The following TTLL9 variants were observed in gnomAD, a reference collection of about 807,000 sequenced individuals.
TTLL9 encodes the protein tubulin tyrosine ligase like 9.
A neutral mutation model predicts 65.6 loss-of-function variants in TTLL9; 47 were observed. That is an observed-to-expected ratio of 0.72 (90% CI 0.57 to 0.91). The LOEUF (loss-of-function observed/expected upper bound fraction) is 0.91, where lower values mean the gene tolerates loss of function less well. TTLL9 is among the 40% of genes least tolerant of loss of function. The probability of loss-of-function intolerance (pLI) is 0.00; values close to 1 mark genes in which losing one functional copy is unlikely to be tolerated. For missense variants in TTLL9, 537 were observed against 568.8 expected (o/e 0.94, Z 0.57); for synonymous variants, 179 against 204.8 (o/e 0.87, Z 1.07).
intron 3 of TTLL9, among the ~76,000 whole-genome samples, chr20:31,891,144 C>G (rs1366433301): frequency 6.6e-6 from 1 of 152,146 alleles, no homozygotes; most frequent in Non-Finnish European, 1.5e-5. Flanking sequence ...GCCCGGTGAC[C>G]CTGCAAAGTG....
chr20:31,887,906 T>TCTTCTCTTC (rs1555807954), intron 3 of TTLL9, among the ~76,000 whole-genome samples: 2 of 9,564 alleles, frequency 2.1e-4, no homozygotes, highest in Admixed American at 1.1e-3. Context: ...CTCTTCTCTT[T>TCTTCTCTTC]TGAGTTTCAC....
rs1278947782 is a variant in TTLL9, at chr20:31,909,765, A to C, written c.347A>C (p.Asn116Thr). The C allele has an allele frequency of 3.1e-6, 5 of 1,613,970 alleles. No individual in the cohort carries two copies. The African/African-American group carries it at 5.3e-5, about 17-fold the overall frequency. The change falls in exon 6 of 15, where the codon AAC (asparagine) becomes ACC (threonine). Residue 116 changes from asparagine to threonine, a missense_variant. Transcript: ENST00000535842. The part of the protein sequence containing the change: ...ELTRKNYMVK[N>T]LKRFRKQLER... The stretch of plus-strand genomic sequence containing the variant: ...ACCCGGAAGAACTACATGGTGAAGA[A>C]CCTGAAGCGGTTCCGGAAGCAGCTG...
intron 10 of TTLL9, among the ~76,000 whole-genome samples, chr20:31,932,973 G>T (rs1048331778): frequency 2.0e-5 from 3 of 152,158 alleles, no homozygotes; most frequent in Non-Finnish European, 2.9e-5. Flanking sequence ...TCCAGTCTGG[G>T]CAAAAGACTA....
In TTLL9 at chr20:31,934,896, G is replaced by A; in HGVS notation, c.1004+8G>A. 6.2e-7 allele frequency: 1 copy of A among 1,605,630 alleles called. No individual in the cohort carries two copies. Among genetic ancestry groups the A allele is most frequent in the Non-Finnish European group, 8.5e-7 (1 of 1,174,346 alleles). On this transcript the variant is annotated splice_region_variant and intron_variant, in intron 12 of 14. Transcript: ENST00000535842. ...CGACCAGGACCTCAAGCCGTAAGTG[G>A]GTGGGTGGGAGAGCCAGGAGGTCAT...
chr20:31,940,788 G>A (rs184263764), intron 14 of TTLL9: 2 of 152,292 alleles, frequency 1.3e-5, no homozygotes, highest in East Asian at 1.9e-4. Context: ...GCTTCTTCAC[G>A]TGGTAGACTC....
chr20:31,879,713 C>T (rs1026560973), intron 2 of TTLL9: 12 of 1,152,516 alleles, frequency 1.0e-5, no homozygotes, highest in Non-Finnish European at 4.8e-6. Flanking sequence ...GCCCAATAGC[C>T]TCCAGAGGTT....
intron 6 of TTLL9, among the ~76,000 whole-genome samples, chr20:31,916,669 C>T (rs868123773): frequency 6.6e-6 from 1 of 152,204 alleles, no homozygotes; most frequent in Admixed American, 6.5e-5. Context: ...TGTGTGCTGG[C>T]TTTTTGTCAT....
chr20:31,875,539 G>A (rs1317840424), intron 2 of TTLL9, among the ~76,000 whole-genome samples: 1 of 152,118 alleles, frequency 6.6e-6, no homozygotes, highest in Non-Finnish European at 1.5e-5. Context: ...TTCGCCTAAT[G>A]CTCTTCTTTC....
At chr20:31,874,989 T>C (rs2063017979) in intron 2 of TTLL9, among the ~76,000 whole-genome samples, 2 of 152,180 alleles carry the variant, frequency 1.3e-5, no homozygotes, top group Non-Finnish European at 2.9e-5. Context: ...GTGAGACCCA[T>C]TTCACATCTC....
At chr20:31,891,532 G>A (rs2063307732) in intron 3 of TTLL9, among the ~76,000 whole-genome samples, 1 of 151,212 alleles carries the variant, frequency 6.6e-6, no homozygotes, top group Non-Finnish European at 1.5e-5. Flanking sequence ...TAGAGATGAG[G>A]TCTTGCTATG....
chr20:31,930,674 G>C (rs901611691), intron 10 of TTLL9, among the ~76,000 whole-genome samples: 5 of 152,026 alleles, frequency 3.3e-5, no homozygotes, highest in African/African-American at 4.8e-5. Context: ...TCACATGCTT[G>C]TCCATTGGTT....
In TTLL9 at chr20:31,873,821, G is replaced by GAAAGAAAGAAA. The variant is rs2062991828; in HGVS notation, c.69+2628_69+2629insAGAAAGAAAAA. Among the ~76,000 whole-genome samples the GAAAGAAAGAAA allele has an allele frequency of 1.2e-3, 113 of 96,070 alleles. 1 individual carries two copies. The highest frequency in any genetic ancestry group is 4.1e-3 in the African/African-American group (102 of 24,852). 63.0% of individuals were successfully genotyped at this position (96,070 alleles called of 152,430 possible). A position where few individuals can be genotyped will look rare whatever the true frequency, so the allele number is the denominator to read the frequency against. ...GGAAGGAAGGAAGGAAGGAAGGAAGGAAGAAAGAAAGAAAGAAAGAAAGAA... is the reference window on the plus strand; with the variant it reads ...GGAAGGAAGGAAGGAAGGAAGGAAGGAAAGAAAGAAAAAGAAAGAAAGAAAGAAAGAAAGAA... On this transcript the variant is annotated intron_variant, in intron 2 of 14. Coordinates refer to ENST00000535842, the MANE Select transcript of TTLL9 (RefSeq NM_001008409.5).
intron 3 of TTLL9, among the ~76,000 whole-genome samples, chr20:31,890,215 A>C (rs1325805490): frequency 1.1e-5 from 1 of 88,054 alleles, no homozygotes; most frequent in East Asian, 3.0e-4. Context: ...TTCTTTCATC[A>C]AAAGAGCAAA....
chr20:31,937,783 GACTAGTC>G (rs74783097), intron 13 of TTLL9, among the ~76,000 whole-genome samples: 22,082 of 151,992 alleles, frequency 0.15, 1,809 homozygotes, highest in African/African-American at 0.21. Flanking sequence ...TGGGGCTCTG[GACTAGTC>G]ACATCACCTT....
intron 10 of TTLL9, among the ~76,000 whole-genome samples, chr20:31,929,958 T>G (rs1261009834): frequency 6.6e-6 from 1 of 152,134 alleles, no homozygotes; most frequent in East Asian, 1.9e-4. Context: ...TGAAACCTGA[T>G]CTCTACTAAA....
intron 10 of TTLL9, among the ~76,000 whole-genome samples, chr20:31,928,599 A>G (rs538745799): frequency 3.6e-4 from 54 of 152,092 alleles, no homozygotes; most frequent in Admixed American, 3.3e-4. Flanking sequence ...GAAACACTGT[A>G]TATAATAGTA....
At chr20:31,936,958 C>T (rs952134863) in intron 12 of TTLL9, among the ~76,000 whole-genome samples, 6 of 151,826 alleles carry the variant, frequency 4.0e-5, no homozygotes, top group Admixed American at 1.3e-4. Context: ...ATTGGCTGGG[C>T]GTGGTGGCAG....
intron 13 of TTLL9, chr20:31,938,321 G>A (rs967143391): frequency 2.7e-5 from 11 of 408,088 alleles, no homozygotes; most frequent in Non-Finnish European, 5.5e-5. Context: ...GAGCCATGGG[G>A]TGAGGGAGGG....
intron 4 of TTLL9, among the ~76,000 whole-genome samples, chr20:31,903,498 T>C (rs897931392): frequency 6.6e-6 from 1 of 152,150 alleles, no homozygotes; most frequent in Non-Finnish European, 1.5e-5. Context: ...ATTCACCTAT[T>C]TTTTCTTTTG....
Sources: allele counts gnomAD v4.1 joint callset (sites outside exome capture counted in the v4.1 genomes callset), GRCh38; gene constraint gnomAD v4.1.1; transcripts MANE v1.5; gene names NCBI Gene and HGNC (gene_info 2026-07-23, HGNC 2026-07-21).